The following LGR6 variants were observed in gnomAD, a reference collection of about 807,000 sequenced individuals.
LGR6 encodes the protein leucine-rich repeat-containing G protein-coupled receptor 6.
In LGR6, 45 loss-of-function variants were observed where a neutral mutation model predicts 69.4. The ratio of observed to expected loss-of-function variants is 0.65; its 90% CI spans 0.51 to 0.83. The LOEUF is 0.83. LGR6 is among the 40% of genes least tolerant of loss of function. The pLI is 0.00. For missense variants in LGR6, 1,108 were observed against 1,246.7 expected (o/e 0.89, Z 1.68); for synonymous variants, 538 against 555.0 (o/e 0.97, Z 0.43).
At chr1:202,248,740 C>T (rs1377334207) in intron 4 of LGR6, among the ~76,000 whole-genome samples, 1 of 152,198 alleles carries the variant, frequency 6.6e-6, no homozygotes, top group Non-Finnish European at 1.5e-5. Context: ...GCAAAGCAAT[C>T]TCTTCCCCAA....
At chr1:202,283,653 G>A (rs1337204341) in intron 6 of LGR6, among the ~76,000 whole-genome samples, 1 of 152,182 alleles carries the variant, frequency 6.6e-6, no homozygotes, top group Non-Finnish European at 1.5e-5. Flanking sequence ...TGGGGAGGAG[G>A]GGCCAGGTGC....
At chr1:202,306,802 C>CG (rs758068077) in intron 12 of LGR6, 66 bp from the exon 13 acceptor site, 3 of 1,435,488 alleles carry the variant, frequency 2.1e-6, no homozygotes, top group Non-Finnish European at 2.0e-6. Context: ...TCCCAGTGCT[C>CG]GGGGGGCATG....
chr1:202,262,404 T>G (rs2924102), intron 4 of LGR6, among the ~76,000 whole-genome samples: 1 of 150,898 alleles, frequency 6.6e-6, no homozygotes, highest in Non-Finnish European at 1.5e-5. Context: ...GTTGTAGATA[T>G]GTGGCATTAT....
At chr1:202,266,628 T>C (rs1222612499) in intron 4 of LGR6, among the ~76,000 whole-genome samples, 3 of 152,200 alleles carry the variant, frequency 2.0e-5, no homozygotes, top group Non-Finnish European at 4.4e-5. Flanking sequence ...CAGGACCCTC[T>C]GCTCAGCACA....
chr1:202,220,001 C>T (rs1660041573), intron 1 of LGR6, among the ~76,000 whole-genome samples: 1 of 152,080 alleles, frequency 6.6e-6, no homozygotes, highest in Admixed American at 6.5e-5. Context: ...GCCTCAGCCT[C>T]CCAAGTAGCT....
At chr1:202,249,048 G>A (rs1662998203) in intron 4 of LGR6, among the ~76,000 whole-genome samples, 1 of 152,108 alleles carries the variant, frequency 6.6e-6, no homozygotes, top group Non-Finnish European at 1.5e-5. Flanking sequence ...CCTTCCTCAG[G>A]CTGATCTCCA....
intron 4 of LGR6, among the ~76,000 whole-genome samples, chr1:202,239,805 A>G (rs1662019556): frequency 6.6e-6 from 1 of 152,226 alleles, no homozygotes; most frequent in Non-Finnish European, 1.5e-5. Flanking sequence ...TCCTGGGCAG[A>G]CTACTTACCC....
chr1:202,215,020 T>TGCGCGC lies in LGR6; in HGVS notation c.213-10395_213-10390dup, dbSNP rs1553239912. Among the ~76,000 whole-genome samples, 178 of 135,922 alleles carry TGCGCGC rather than the reference T, an allele frequency of 1.3e-3. 1 individual carries two copies. Among genetic ancestry groups the TGCGCGC allele is most frequent in the African/African-American group, 4.7e-3 (177 of 37,986 alleles). 89.2% of individuals were successfully genotyped at this position (135,922 alleles called of 152,430 possible). ...GTGTGTGTGTGTGTGTGTGTGTGTG[T>TGCGCGC]GCGCGCGCGCGCGTTGGTGAGTTGA... On this transcript the variant is annotated intron_variant, in intron 1 of 17. Coordinates refer to ENST00000367278, the MANE Select transcript of LGR6 (RefSeq NM_001017403.2).
At chr1:202,236,057 G>A in intron 4 of LGR6, 64 bp downstream of exon 4, 1 of 1,384,932 alleles carries the variant, frequency 7.2e-7, no homozygotes, top group Non-Finnish European at 1.0e-6. Flanking sequence ...ACAGCCCAGG[G>A]CCCCCTGCCT....
chr1:202,265,361 T>A (rs1173220543), intron 4 of LGR6, among the ~76,000 whole-genome samples: 1 of 152,186 alleles, frequency 6.6e-6, no homozygotes, highest in Non-Finnish European at 1.5e-5. Context: ...TGTGAGGGCC[T>A]GGTGATGGGT....
chr1:202,277,503 G>C (rs1187662986), intron 5 of LGR6, among the ~76,000 whole-genome samples: 1 of 152,110 alleles, frequency 6.6e-6, no homozygotes, highest in Non-Finnish European at 1.5e-5. Context: ...AAGGTGATTG[G>C]TTCTAACTTT....
At chr1:202,242,738 G>A (rs1662317193) in intron 4 of LGR6, among the ~76,000 whole-genome samples, 1 of 152,148 alleles carries the variant, frequency 6.6e-6, no homozygotes, top group African/African-American at 2.4e-5. Context: ...AGCATTGGAG[G>A]TCTTAGGAGG....
At chr1:202,198,917 A>G (rs540203957) in intron 1 of LGR6, among the ~76,000 whole-genome samples, 1 of 151,940 alleles carries the variant, frequency 6.6e-6, no homozygotes, top group East Asian at 1.9e-4. Flanking sequence ...TTCCAAGGCC[A>G]CCCTTCCCTG....
chr1:202,288,263 T>A (rs1327961295), intron 6 of LGR6, among the ~76,000 whole-genome samples: 1 of 152,200 alleles, frequency 6.6e-6, no homozygotes, highest in Non-Finnish European at 1.5e-5. Flanking sequence ...GTCACCACTT[T>A]GCAACCTCCA....
chr1:202,277,463 G>T (rs78129981), intron 5 of LGR6, among the ~76,000 whole-genome samples: 2,134 of 150,784 alleles, frequency 0.014, 66 homozygotes, highest in African/African-American at 0.049. Context: ...GGGGCAGGGT[G>T]GGGGGGTATT....
chr1:202,236,335 G>A (rs1490315552), intron 4 of LGR6: 5 of 313,336 alleles, frequency 1.6e-5, no homozygotes, highest in Admixed American at 4.8e-5. Flanking sequence ...GGAGACTGCC[G>A]CCCAAAAGAA....
rs1007430532 is a variant in LGR6 at position 202,290,599 on chromosome 1, G to A, written c.717-6909G>A. On this transcript the variant is annotated intron_variant, in intron 6 of 17. Transcript: ENST00000367278. Reference sequence around the variant, plus strand: ...TCAATAAAAAAAAGGGGGGCCAGGCGCGGTGGCTCACGCCTGTAATCCCAG... The same window carrying A: ...TCAATAAAAAAAAGGGGGGCCAGGCACGGTGGCTCACGCCTGTAATCCCAG... Among the ~76,000 whole-genome samples the A allele has an allele frequency of 8.5e-5, 13 of 152,346 alleles. 1 individual carries two copies. Among genetic ancestry groups the A allele is most frequent in the Admixed American group, 4.6e-4 (7 of 15,308 alleles).
chr1:202,199,667 G>A (rs908445081), intron 1 of LGR6, among the ~76,000 whole-genome samples: 1 of 141,440 alleles, frequency 7.1e-6, no homozygotes, highest in Non-Finnish European at 1.5e-5. Flanking sequence ...CACGCCCCCC[G>A]GGGGAGAGAC....
intron 4 of LGR6, among the ~76,000 whole-genome samples, chr1:202,248,488 C>T (rs1662945202): frequency 1.3e-5 from 2 of 152,230 alleles, no homozygotes; most frequent in Non-Finnish European, 2.9e-5. Context: ...CTCCCCTCAC[C>T]ACCCTGACAC....
Sources: gnomAD v4.1 joint callset for allele counts (sites outside exome capture counted in the v4.1 genomes callset) on GRCh38, gnomAD v4.1.1 for gene constraint, MANE v1.5 for transcripts, NCBI Gene and HGNC (gene_info 2026-07-23, HGNC 2026-07-21) for gene names.